Variants in SIPA1L2 observed in about 807,000 individuals in gnomAD.
SIPA1L2 encodes the protein signal-induced proliferation-associated 1-like protein 2.
A neutral mutation model predicts 163.9 loss-of-function variants in SIPA1L2; 56 were observed. That is an observed-to-expected ratio of 0.34 (90% CI 0.28 to 0.43). The LOEUF (loss-of-function observed/expected upper bound fraction) is 0.43, where lower values mean the gene tolerates loss of function less well. Among genes scored for constraint, SIPA1L2 ranks in the 20% least tolerant of loss-of-function variants. The pLI, the probability that SIPA1L2 is intolerant of heterozygous loss-of-function variation, is 1.00. For missense variants in SIPA1L2, 1,974 were observed against 2,193.5 expected, an observed-to-expected ratio of 0.90 and a Z score of 2.00; for synonymous variants, 877 against 865.7, an observed-to-expected ratio of 1.01 and a Z score of -0.23.
intron 1 of SIPA1L2, among the ~76,000 whole-genome samples, chr1:232,607,402 A>G (rs1661981324): frequency 6.6e-6 from 1 of 152,218 alleles, no homozygotes; most frequent in Non-Finnish European, 1.5e-5. Context: ...ATATCTTACT[A>G]TCAAATTTTT....
intron 5 of SIPA1L2, among the ~76,000 whole-genome samples, chr1:232,485,417 G>A (rs1665598148): frequency 6.6e-6 from 1 of 152,118 alleles, no homozygotes; most frequent in South Asian, 2.1e-4. Context: ...CTTTAGTAGG[G>A]TCAAGAAGAA....
chr1:232,594,032 C>CCTGT (rs1661107568), intron 1 of SIPA1L2, among the ~76,000 whole-genome samples: 2 of 152,170 alleles, frequency 1.3e-5, no homozygotes. Context: ...TAATCTCTAA[C>CCTGT]CTGTCTCCGA....
chr1:232,419,586 C>T (rs752352922), intron 18 of SIPA1L2, among the ~76,000 whole-genome samples: 1 of 152,100 alleles, frequency 6.6e-6, no homozygotes, highest in Non-Finnish European at 1.5e-5. Context: ...TGGCATCTCG[C>T]CATGGACTCT....
At chr1:232,439,824 G>A (rs578230985) in intron 14 of SIPA1L2, among the ~76,000 whole-genome samples, 3 of 152,164 alleles carry the variant, frequency 2.0e-5, no homozygotes, top group Non-Finnish European at 2.9e-5. Flanking sequence ...AAGGAACATG[G>A]GAAATTAATA....
chr1:232,423,929 G>A (rs2102806925), intron 18 of SIPA1L2, among the ~76,000 whole-genome samples: 1 of 152,298 alleles, frequency 6.6e-6, no homozygotes, highest in South Asian at 2.1e-4. Context: ...TTCTAGAAAA[G>A]GCAAAACAAT....
At position 232,480,139 on chromosome 1, in the gene SIPA1L2, C is replaced by CTG. The variant is rs150458742; in HGVS notation, c.1982-411_1982-410dup. 1.6e-3 allele frequency among the ~76,000 whole-genome samples: 210 copies of CTG among 131,262 alleles called. 1 individual carries two copies. The highest frequency in any genetic ancestry group is 3.9e-3 in the Middle Eastern group (1 of 254). The allele number at this position is 131,262 out of a possible 152,430, so 86.1% of individuals were successfully genotyped here. A position where few individuals can be genotyped will look rare whatever the true frequency, so the allele number is the denominator to read the frequency against. On this transcript the variant is annotated intron_variant, in intron 6 of 22. Transcript: ENST00000674635. ...AAACTGGCAGATGGCCTGGCCGCAT[C>CTG]TGTGTGTGTGTGTGCGTGTGTGTGT... is the stretch of plus-strand genomic sequence containing the variant.
intron 16 of SIPA1L2, among the ~76,000 whole-genome samples, chr1:232,430,469 C>G (rs1466471127): frequency 1.3e-5 from 2 of 152,242 alleles, no homozygotes; most frequent in African/African-American, 4.8e-5. Flanking sequence ...TTCTGGAGAG[C>G]ACAACTGATT....
chr1:232,544,450 C>T (rs1181112884), intron 2 of SIPA1L2, among the ~76,000 whole-genome samples: 1 of 151,972 alleles, frequency 6.6e-6, no homozygotes, highest in East Asian at 1.9e-4. Flanking sequence ...GTCCCAGCTA[C>T]TTGGGAGGCT....
At chr1:232,435,201 A>G (rs6682531) in intron 15 of SIPA1L2, among the ~76,000 whole-genome samples, 34,512 of 152,036 alleles carry the variant, frequency 0.23, 4,038 homozygotes, top group African/African-American at 0.27. Context: ...TAAAATGACC[A>G]AAGCGTATAG....
At chr1:232,589,805 T>G (rs1345427272) in intron 1 of SIPA1L2, among the ~76,000 whole-genome samples, 1 of 152,136 alleles carries the variant, frequency 6.6e-6, no homozygotes, top group East Asian at 1.9e-4. Flanking sequence ...ACATATAGGC[T>G]CCTGTTTAGA....
At position 232,515,197 on chromosome 1, in the gene SIPA1L2, G is replaced by A. The variant is rs1212965791; in HGVS notation, c.143C>T (p.Thr48Ile). Residue 48 changes from threonine (T) to isoleucine (I), a missense_variant, in exon 3 of 23, where the codon ACT (threonine) becomes ATT (isoleucine). By Grantham distance (89) the Thr-to-Ile change is moderately conservative. Around this residue, in one of 3 missense-constraint regions of SIPA1L2, gnomAD observed 607 missense variants for 624.0 expected, o/e 0.97. Coordinates refer to ENST00000674635, the MANE Select transcript of SIPA1L2 (RefSeq NM_020808.5). ...GGAATTCGAGGCATTTAAAGAAGTA[G>A]TGGGTCCCATGTTGCCATTAATGGC... ...FKAINGNMGPTTSLNASNSNE... is the reference protein window; with the variant it reads ...FKAINGNMGPITSLNASNSNE... 1.9e-6 allele frequency: 3 copies of A among 1,614,200 alleles called. No individual in the cohort carries two copies. The highest frequency in any genetic ancestry group is 2.2e-5 in the South Asian group (2 of 91,084).
intron 19 of SIPA1L2, among the ~76,000 whole-genome samples, 193 bp from the exon 20 acceptor site, chr1:232,404,371 G>A (rs950949535): frequency 6.6e-6 from 1 of 152,162 alleles, no homozygotes; most frequent in Non-Finnish European, 1.5e-5. Flanking sequence ...TTGGTTGGAA[G>A]CGGGGCTGTA....
chr1:232,621,420 T>C (rs571316437), intron 1 of SIPA1L2, among the ~76,000 whole-genome samples: 34 of 152,324 alleles, frequency 2.2e-4, no homozygotes, highest in African/African-American at 7.5e-4. Context: ...TCATGATTTA[T>C]TGAAACCTAC....
At position 232,465,330 on chromosome 1, in the gene SIPA1L2, C is replaced by T. The variant is rs372124843; in HGVS notation, c.2330G>A (p.Arg777Gln). 5.6e-6 allele frequency: 9 copies of T among 1,614,092 alleles called. No homozygotes were observed. The highest frequency in any genetic ancestry group is 1.6e-4 in the Middle Eastern group (1 of 6,062). Residue 777 changes from arginine to glutamine, a missense_variant, in exon 9 of 23, where the codon CGG (arginine) becomes CAG (glutamine). Physicochemically the swap from Arg to Gln is conservative, Grantham distance 43. Coordinates refer to ENST00000674635, the MANE Select transcript of SIPA1L2 (RefSeq NM_020808.5). The surrounding 1 kb of genome is among the most constrained non-coding windows in gnomAD (Gnocchi z 4.1). ...GATTACTTTGGCTAAAAGGAAGTCC[C>T]GGAACACGGCTGACTTTGGAAAAGT... Reference protein sequence around the residue: ...GVTFPKSAVFRDFLLAKVINA... With the variant: ...GVTFPKSAVFQDFLLAKVINA...
intron 8 of SIPA1L2, among the ~76,000 whole-genome samples, chr1:232,466,770 G>A (rs1310739074): frequency 2.0e-5 from 3 of 152,072 alleles, no homozygotes; most frequent in Non-Finnish European, 2.9e-5. Context: ...CAGCCTGGGC[G>A]ACAAAGCAAG....
Position 232,465,763 on chromosome 1 carries a change from C to A in SIPA1L2, c.2244-347G>T, listed in dbSNP as rs959659917. Among the ~76,000 whole-genome samples the A allele has an allele frequency of 1.3e-5, 2 of 151,858 alleles. No homozygotes were observed. Among genetic ancestry groups the A allele is most frequent in the Admixed American group, 1.3e-4 (2 of 15,232 alleles). On this transcript the variant is annotated intron_variant, in intron 8 of 22. Coordinates refer to ENST00000674635, the MANE Select transcript of SIPA1L2 (RefSeq NM_020808.5). This position sits in a 1 kb window ranked among gnomAD's most constrained non-coding sequence, Gnocchi z 4.1. ...AATGTGACGCAATCTGGAGAAAGGA[C>A]CCTTAAGGAGGTGGCTAAGTGAAAC...
chr1:232,535,931 G>T (rs1657279563), intron 2 of SIPA1L2, among the ~76,000 whole-genome samples: 1 of 152,206 alleles, frequency 6.6e-6, no homozygotes, highest in Admixed American at 6.5e-5. Context: ...AGTTAGAAAT[G>T]TTAGAGTCTC....
chr1:232,529,679 C>T (rs1667880372), intron 2 of SIPA1L2, among the ~76,000 whole-genome samples: 3 of 152,240 alleles, frequency 2.0e-5, no homozygotes, highest in Non-Finnish European at 4.4e-5. Context: ...AAAGCCCATA[C>T]ATTTGCAAAA....
At chr1:232,566,126 A>G (rs996457303) in intron 2 of SIPA1L2, among the ~76,000 whole-genome samples, 4 of 152,228 alleles carry the variant, frequency 2.6e-5, no homozygotes, top group Non-Finnish European at 5.9e-5. Flanking sequence ...TGAGGTGCAC[A>G]GCTAGGGCTT....
Sources: allele counts gnomAD v4.1 joint callset (sites outside exome capture counted in the v4.1 genomes callset), GRCh38; gene constraint gnomAD v4.1.1; regional missense constraint gnomAD v4.1.1; non-coding constraint Gnocchi (gnomAD v3.1); transcripts MANE v1.5; gene names NCBI Gene and HGNC (gene_info 2026-07-23, HGNC 2026-07-21).